Variants in SYN2 observed in about 807,000 individuals in gnomAD.
The protein encoded by SYN2 is synapsin II, also known as synapsin-2.
SYN2 carries 19 observed loss-of-function variants against 50.9 expected under a neutral mutation model. The observed-to-expected ratio is 0.37, with a 90% confidence interval of 0.26 to 0.55. SYN2 has a LOEUF of 0.55. Among genes scored for constraint, SYN2 ranks in the 20% least tolerant of loss-of-function variants. SYN2 has a pLI of 0.81. For synonymous variants in SYN2, 255 were observed against 224.9 expected, an observed-to-expected ratio of 1.13 and a Z score of -1.20; for missense variants, 587 against 576.4, an observed-to-expected ratio of 1.02 and a Z score of -0.19.
chr3:12,011,569 A>T (rs1426161139), intron 1 of SYN2, among the ~76,000 whole-genome samples: 1 of 152,224 alleles, frequency 6.6e-6, no homozygotes, highest in African/African-American at 2.4e-5. Context: ...TAACCAGTTC[A>T]TGTAAGATTG....
chr3:12,070,541 G>C, intron 1 of SYN2: 1 of 987,604 alleles, frequency 1.0e-6, no homozygotes, highest in Non-Finnish European at 1.5e-6. Flanking sequence ...AGGAGCACCT[G>C]GTGCTGCTGA....
chr3:12,131,826 T>C (rs906969094), intron 1 of SYN2, among the ~76,000 whole-genome samples: 1 of 152,112 alleles, frequency 6.6e-6, no homozygotes, highest in Non-Finnish European at 1.5e-5. Context: ...ATCTTTGGGA[T>C]TGCTGCTTTT....
At chr3:12,128,913 G>A (rs914694971) in intron 1 of SYN2, among the ~76,000 whole-genome samples, 1 of 152,112 alleles carries the variant, frequency 6.6e-6, no homozygotes, top group Non-Finnish European at 1.5e-5. Context: ...ACATGTACCA[G>A]GCATTGTAAC....
intron 1 of SYN2, among the ~76,000 whole-genome samples, chr3:12,006,120 T>C (rs942326589): frequency 5.3e-5 from 8 of 152,154 alleles, no homozygotes; most frequent in African/African-American, 1.7e-4. Flanking sequence ...GCTTCACTGC[T>C]TTCTCTCTCT....
intron 1 of SYN2, among the ~76,000 whole-genome samples, chr3:12,121,217 TAG>T (rs1218818099): frequency 6.6e-6 from 1 of 152,186 alleles, no homozygotes; most frequent in African/African-American, 2.4e-5. Flanking sequence ...CTTCTCATCC[TAG>T]AGTGTACCTG....
At chr3:12,108,067 G>A (rs928697725) in intron 1 of SYN2, among the ~76,000 whole-genome samples, 1 of 152,096 alleles carries the variant, frequency 6.6e-6, no homozygotes, top group Non-Finnish European at 1.5e-5. Flanking sequence ...AACATTAGCT[G>A]GGCATGGTGG....
intron 4 of SYN2, among the ~76,000 whole-genome samples, chr3:12,148,005 T>C (rs1697191124): frequency 6.6e-6 from 1 of 151,884 alleles, no homozygotes; most frequent in Non-Finnish European, 1.5e-5. Flanking sequence ...TCCCAGCAAC[T>C]TAGGTGGCTG....
At chr3:12,038,301 A>G (rs1255786334) in intron 1 of SYN2, among the ~76,000 whole-genome samples, 1 of 152,168 alleles carries the variant, frequency 6.6e-6, no homozygotes, top group African/African-American at 2.4e-5. Flanking sequence ...TATCAATATC[A>G]TATTATCTTC....
intron 1 of SYN2, among the ~76,000 whole-genome samples, chr3:12,066,889 C>CTCT (rs1160498224): frequency 6.6e-6 from 1 of 152,154 alleles, no homozygotes; most frequent in African/African-American, 2.4e-5. Flanking sequence ...GGTATCACTT[C>CTCT]TCGGCCTTTT....
chr3:12,109,243 A>T (rs908574684), intron 1 of SYN2, among the ~76,000 whole-genome samples: 1 of 152,178 alleles, frequency 6.6e-6, no homozygotes, highest in African/African-American at 2.4e-5. Flanking sequence ...TGGAACTCTA[A>T]AGTCAGCAGA....
At chr3:12,037,161 C>G (rs1419231340) in intron 1 of SYN2, among the ~76,000 whole-genome samples, 1 of 152,214 alleles carries the variant, frequency 6.6e-6, no homozygotes, top group Non-Finnish European at 1.5e-5. Flanking sequence ...ATTATGGCCA[C>G]TTAAGTAATC....
intron 1 of SYN2, among the ~76,000 whole-genome samples, chr3:12,099,992 G>A (rs1696037048): frequency 3.1e-5 from 2 of 64,812 alleles, no homozygotes; most frequent in African/African-American, 1.2e-4. Context: ...AAAAAGAAGT[G>A]CCTACAGTGG....
At chr3:12,105,878 A>G (rs897860331) in intron 1 of SYN2, among the ~76,000 whole-genome samples, 16 of 152,218 alleles carry the variant, frequency 1.1e-4, no homozygotes, top group Middle Eastern at 3.4e-3. Flanking sequence ...AAACTCATAC[A>G]ACTCCTAGAG....
At chr3:12,129,366 T>C (rs1267121569) in intron 1 of SYN2, among the ~76,000 whole-genome samples, 2 of 152,192 alleles carry the variant, frequency 1.3e-5, no homozygotes, top group Non-Finnish European at 2.9e-5. Context: ...TGGAAATGGG[T>C]ACTGTCCTTA....
intron 1 of SYN2, among the ~76,000 whole-genome samples, chr3:12,077,154 G>A (rs888789710): frequency 1.3e-5 from 2 of 151,972 alleles, no homozygotes; most frequent in Non-Finnish European, 2.9e-5. Context: ...AGTTAATATG[G>A]TTAGTTAGGT....
At chr3:12,057,437 C>A (rs1451572552) in intron 1 of SYN2, among the ~76,000 whole-genome samples, 4 of 152,046 alleles carry the variant, frequency 2.6e-5, no homozygotes, top group Admixed American at 2.6e-4. Context: ...CTGAGAAGTC[C>A]TAGAACAATC....
rs560870026 is a variant in SYN2, at chr3:12,136,540, G to A, written c.378-4111G>A. ...CATTATCCAATGCATAAAAGAGGGC[G>A]TATTTAAGCTAGGCTTGCCTGGGTT... On this transcript the variant is annotated intron_variant, in intron 1 of 12. Coordinates refer to ENST00000621198, the MANE Select transcript of SYN2 (RefSeq NM_133625.6). Among the ~76,000 whole-genome samples, 148 of 152,114 alleles carry A rather than the reference G, an allele frequency of 9.7e-4. 1 individual carries two copies. The highest frequency in any genetic ancestry group is 1.1e-3 in the Non-Finnish European group (75 of 68,022).
intron 1 of SYN2, among the ~76,000 whole-genome samples, chr3:12,094,967 T>A (rs553578097): frequency 6.6e-6 from 1 of 152,256 alleles, no homozygotes; most frequent in Admixed American, 6.5e-5. Context: ...AAAGATACAG[T>A]GTAAATCTTG....
chr3:12,162,154 TGTGA>T lies in SYN2; in HGVS notation c.980+3_980+6del. On this transcript the variant is annotated splice_donor_variant and splice_donor_region_variant and intron_variant, in intron 7 of 12. Transcript: ENST00000621198. LOFTEE classifies it high-confidence loss of function. ...ATTGGCAACAACTACAAGGCTTACA[TGTGA>T]GTAAGAGTGGGGTATGTTTTCTCCT... is the stretch of plus-strand genomic sequence containing the variant. 2.5e-6 allele frequency: 4 copies of T among 1,614,060 alleles called. No individual in the cohort carries two copies. The highest frequency in any genetic ancestry group is 3.4e-6 in the Non-Finnish European group (4 of 1,179,964).
Sources: gnomAD v4.1 joint callset for allele counts (sites outside exome capture counted in the v4.1 genomes callset) on GRCh38, gnomAD v4.1.1 for gene constraint, MANE v1.5 for transcripts, NCBI Gene and HGNC (gene_info 2026-07-23, HGNC 2026-07-21) for gene names.